PHAF1: variants seen among roughly 807,000 people sequenced by gnomAD.
PHAF1 encodes phagophore assembly factor 1, also known as phagosome assembly factor 1.
PHAF1 carries 23 observed loss-of-function variants against 63.1 expected under a neutral mutation model. The observed-to-expected ratio is 0.36, with a 90% CI of 0.26 to 0.52. The LOEUF is 0.52. Ranked by LOEUF, PHAF1 falls within the 20% of genes least tolerant of loss-of-function variation. PHAF1 has a pLI of 0.93. For missense variants in PHAF1, 427 were observed against 517.2 expected (o/e 0.83, Z 1.69); for synonymous variants, 167 against 185.0 (o/e 0.90, Z 0.79).
intron 10 of PHAF1, among the ~76,000 whole-genome samples, chr16:67,141,671 C>T (rs1021759702): frequency 2.6e-5 from 4 of 152,316 alleles, no homozygotes; most frequent in South Asian, 2.1e-4. Context: ...CAGCTCCAGG[C>T]GCCAGCATAG....
At chr16:67,136,553 CCTTTTTTT>C (rs1567650689) in intron 8 of PHAF1, among the ~76,000 whole-genome samples, 1 of 98,978 alleles carries the variant, frequency 1.0e-5, no homozygotes, top group African/African-American at 6.2e-5. Context: ...GGCATTGATT[CCTTTTTTT>C]TTTTTTTTTT....
chr16:67,132,688 T>C (rs538481613), intron 5 of PHAF1, 129 bp from the exon 6 acceptor site: 1 of 1,185,024 alleles, frequency 8.4e-7, no homozygotes, highest in South Asian at 1.2e-5. Flanking sequence ...GTTTTCAACC[T>C]AGTAGGCCAG....
intron 8 of PHAF1, 116 bp from the exon 9 acceptor site, chr16:67,139,868 T>G: frequency 8.4e-7 from 1 of 1,194,442 alleles, no homozygotes; most frequent in Non-Finnish European, 1.2e-6. Context: ...GCATGCAGTC[T>G]TGCCCCTTGC....
chr16:67,145,667 C>G (rs1383748198), intron 14 of PHAF1, 39 bp downstream of exon 14: 16 of 1,581,496 alleles, frequency 1.0e-5, no homozygotes, highest in Non-Finnish European at 1.4e-5. Context: ...CCCCACCTGA[C>G]TCCTCAGAGC....
intron 8 of PHAF1, among the ~76,000 whole-genome samples, chr16:67,136,706 C>T (rs1054072196): frequency 1.3e-4 from 19 of 151,892 alleles, no homozygotes; most frequent in Admixed American, 5.3e-4. Flanking sequence ...CCTCAGCCTC[C>T]GAAGAAACTG....
In PHAF1 at chr16:67,144,868, A is replaced by G. The variant is rs2029906042; in HGVS notation, c.997A>G (p.Ile333Val). Reference sequence around the variant, plus strand: ...CTGTGAGTTCAAGATCCCACTAGCCATAAAGAAAGGTGAGTAGTGAAAGCT... The same window carrying G: ...CTGTGAGTTCAAGATCCCACTAGCCGTAAAGAAAGGTGAGTAGTGAAAGCT... ...HRCEFKIPLA[I>V]KKENADGQTE... The change falls in exon 12 of 16, where the codon ATA becomes GTA. Residue 333 changes from isoleucine to valine, a missense_variant. Physicochemically the swap from Ile to Val is conservative, Grantham distance 29. Transcript: ENST00000219139. 6.2e-7 allele frequency: 1 copy of G among 1,613,974 alleles called. No homozygotes were observed. The highest frequency in any genetic ancestry group is 1.3e-5 in the African/African-American group (1 of 74,902).
At chr16:67,141,464 C>T (rs1180030399) in intron 10 of PHAF1, among the ~76,000 whole-genome samples, 1 of 152,200 alleles carries the variant, frequency 6.6e-6, no homozygotes, top group African/African-American at 2.4e-5. Context: ...CACCTTTGCC[C>T]CAATTTTTGC....
At chr16:67,136,219 G>A (rs149864323) in intron 8 of PHAF1, 5,546 of 152,178 alleles carry the variant, frequency 0.036, 151 homozygotes, top group South Asian at 0.08. Context: ...CAGGAGAATC[G>A]CTTGAACTCA....
intron 1 of PHAF1, among the ~76,000 whole-genome samples, chr16:67,111,781 A>G (rs1490421585): frequency 6.6e-6 from 1 of 151,938 alleles, no homozygotes; most frequent in African/African-American, 2.4e-5. Context: ...CTGCCACCAC[A>G]CCCGGCTAAT....
At chr16:67,139,961 C>A (rs372637757) in intron 8 of PHAF1, 23 bp from the exon 9 acceptor site, 6 of 1,613,894 alleles carry the variant, frequency 3.7e-6, no homozygotes, top group Non-Finnish European at 4.2e-6. Context: ...AACCTGACAA[C>A]CTCTCTGTCT....
intron 3 of PHAF1, 29 bp downstream of exon 3, chr16:67,126,071 T>TC: frequency 6.5e-7 from 1 of 1,539,044 alleles, no homozygotes; most frequent in African/African-American, 1.4e-5. Flanking sequence ...TAATGTTTCA[T>TC]GTCCAGCTGG....
At chr16:67,115,627 G>A (rs1241239198) in intron 1 of PHAF1, among the ~76,000 whole-genome samples, 6 of 152,212 alleles carry the variant, frequency 3.9e-5, no homozygotes, top group Non-Finnish European at 2.9e-5. Context: ...GTGCGGTTTA[G>A]AAGGCTGACC....
intron 2 of PHAF1, among the ~76,000 whole-genome samples, chr16:67,124,803 TGAGGCAG>T (rs1963119376): frequency 6.6e-6 from 1 of 151,196 alleles, no homozygotes; most frequent in East Asian, 1.9e-4. Flanking sequence ...CTCGGGAGGC[TGAGGCAG>T]GAGAATGGTG....
chr16:67,128,506 T>C (rs988739842), intron 3 of PHAF1, among the ~76,000 whole-genome samples: 1 of 152,152 alleles, frequency 6.6e-6, no homozygotes, highest in African/African-American at 2.4e-5. Flanking sequence ...CTGCCTCCTA[T>C]AGTTGCTTCC....
intron 1 of PHAF1, among the ~76,000 whole-genome samples, chr16:67,118,801 G>A (rs565278231): frequency 1.2e-4 from 16 of 129,924 alleles, no homozygotes; most frequent in Middle Eastern, 4.0e-3. Context: ...TTGAGATAGG[G>A]TCTTGTCTGT....
At chr16:67,136,279 G>A (rs1644854362) in intron 8 of PHAF1, 1 of 152,110 alleles carries the variant, frequency 6.6e-6, no homozygotes, top group African/African-American at 2.4e-5. Flanking sequence ...ACTGGAGCCT[G>A]GGCAACAAGA....
chr16:67,138,081 T>G (rs780621714), intron 8 of PHAF1, among the ~76,000 whole-genome samples: 41 of 152,090 alleles, frequency 2.7e-4, no homozygotes, highest in Non-Finnish European at 5.3e-4. Flanking sequence ...TAGCTGAAAC[T>G]CTTAGTAATT....
chr16:67,139,343 C>CTTTTTTTT (rs1164245105), intron 8 of PHAF1, among the ~76,000 whole-genome samples: 3 of 86,872 alleles, frequency 3.5e-5, no homozygotes, highest in African/African-American at 5.2e-5. Flanking sequence ...ACAGCACTGC[C>CTTTTTTTT]TTTTTTTTTT....
chr16:67,110,381 C>T, intron 1 of PHAF1, 142 bp downstream of exon 1: 1 of 884,702 alleles, frequency 1.1e-6, no homozygotes, highest in Non-Finnish European at 1.7e-6. Flanking sequence ...GGGCTCCAGG[C>T]ACTAGATACC....
Sources: allele counts gnomAD v4.1 joint callset (sites outside exome capture counted in the v4.1 genomes callset), GRCh38; gene constraint gnomAD v4.1.1; transcripts MANE v1.5; gene names NCBI Gene and HGNC (gene_info 2026-07-23, HGNC 2026-07-21).